Variants in SEH1L observed in about 807,000 individuals in gnomAD.
The protein encoded by SEH1L is nucleoporin SEH1.
SEH1L carries 18 observed loss-of-function variants against 49.5 expected under a neutral mutation model. That is an observed-to-expected ratio of 0.36 (90% CI 0.25 to 0.54). The LOEUF (loss-of-function observed/expected upper bound fraction) is 0.54. Among genes scored for constraint, SEH1L ranks in the 20% least tolerant of loss-of-function variants. SEH1L has a pLI of 0.87. For missense variants in SEH1L, 404 were observed against 528.8 expected (o/e 0.76, Z 2.31); for synonymous variants, 169 against 178.1 (o/e 0.95, Z 0.41).
At chr18:12,975,705 G>GAGTC in intron 5 of SEH1L, 1 of 985,842 alleles carries the variant, frequency 1.0e-6, no homozygotes, top group Non-Finnish European at 1.2e-6. Context: ...GGGTCCAGTA[G>GAGTC]AGTCACAAGG....
At chr18:12,981,329 G>T (rs557854039) in intron 6 of SEH1L, among the ~76,000 whole-genome samples, 124 of 152,310 alleles carry the variant, frequency 8.1e-4, no homozygotes, top group African/African-American at 2.9e-3. Flanking sequence ...TGCAATCTCG[G>T]CACTTTGGGG....
intron 6 of SEH1L, among the ~76,000 whole-genome samples, chr18:12,981,850 A>ATTTTTTTTTTTTTTTTTTTTTTTT (rs554886753): frequency 1.1e-5 from 1 of 88,192 alleles, no homozygotes; most frequent in African/African-American, 5.7e-5. Flanking sequence ...TGCCCTGCCC[A>ATTTTTTTTTTTTTTTTTTTTTTTT]TTTTTTTTTT....
chr18:12,964,729 G>T (rs2031359802), intron 4 of SEH1L, among the ~76,000 whole-genome samples: 2 of 147,804 alleles, frequency 1.4e-5, no homozygotes, highest in Non-Finnish European at 3.0e-5. Flanking sequence ...TCCGCCTCCT[G>T]GGTTCAAACG....
intron 6 of SEH1L, among the ~76,000 whole-genome samples, 195 bp downstream of exon 6, chr18:12,979,087 T>TC (rs1555692836): frequency 6.6e-6 from 1 of 151,856 alleles, no homozygotes; most frequent in Non-Finnish European, 1.5e-5. Flanking sequence ...TTTTTTTTTT[T>TC]ATTGATCATT....
chr18:12,955,541 C>T lies in SEH1L; in HGVS notation c.241C>T (p.Arg81Ter). ...GQVLASCSFD[R>*]TAAVWEEIVG... ...GGTTTTGGCTTCCTGTTCTTTTGAC[C>T]GAACAGCTGCTGTATGGGAAGAAAT... Residue 81 changes from arginine (R) to a stop codon, truncating the protein, a stop_gained, in exon 3 of 9, where the codon CGA (arginine) becomes TGA (stop). Transcript: ENST00000399892. LOFTEE classifies it high-confidence loss of function. 6.2e-7 allele frequency: 1 copy of T among 1,613,664 alleles called. No individual in the cohort carries two copies. Among genetic ancestry groups the T allele is most frequent in the Non-Finnish European group, 8.5e-7 (1 of 1,179,922 alleles).
rs1369758167 is a variant in SEH1L at position 12,948,035 on chromosome 18, T to C, written c.-87T>C. 1 of 946,300 alleles carries C rather than the reference T, an allele frequency of 1.1e-6. No individual in the cohort carries two copies. Among genetic ancestry groups the C allele is most frequent in the African/African-American group, 1.7e-5 (1 of 59,820 alleles). 58.6% of individuals were successfully genotyped at this position (946,300 alleles called of 1,614,324 possible). ...CAGCACAAGCCGTGCGCTCCCGGGC[T>C]GCGAGGTCTGGCTAGGCTACGGGCC... On this transcript the variant is annotated 5_prime_UTR_variant, in exon 1 of 9. Transcript: ENST00000399892.
intron 3 of SEH1L, among the ~76,000 whole-genome samples, chr18:12,958,266 A>C (rs1393068702): frequency 6.7e-6 from 1 of 148,942 alleles, no homozygotes; most frequent in Non-Finnish European, 1.5e-5. Context: ...TTGTGTTTTT[A>C]GAAGAGACAG....
In SEH1L at chr18:12,986,015, T is replaced by A. The variant is rs1218781124; in HGVS notation, c.1071-847T>A. On this transcript the variant is annotated intron_variant, in intron 8 of 8. Coordinates refer to ENST00000399892, the MANE Select transcript of SEH1L (RefSeq NM_001013437.2). ...TATACATTTGTGTATTTTTATGGTG[T>A]TATTTATTCCATGGCTTAGCTTCCT... 4.3e-6 allele frequency: 4 copies of A among 925,670 alleles called. No individual in the cohort carries two copies. In the East Asian group the frequency reaches 3.5e-4, roughly 80 times the overall value. 57.3% of individuals were successfully genotyped at this position (925,670 alleles called of 1,614,324 possible). A position where few individuals can be genotyped will look rare whatever the true frequency, so the allele number is the denominator to read the frequency against.
chr18:12,952,963 G>A (rs1266796682), intron 2 of SEH1L, among the ~76,000 whole-genome samples: 1 of 151,898 alleles, frequency 6.6e-6, no homozygotes, highest in South Asian at 2.1e-4. Flanking sequence ...TGTAGTTTTG[G>A]TAGAGACAGG....
intron 1 of SEH1L, among the ~76,000 whole-genome samples, chr18:12,950,125 C>A (rs2030429461): frequency 6.6e-6 from 1 of 151,896 alleles, no homozygotes; most frequent in African/African-American, 2.4e-5. Flanking sequence ...CCTCAACATC[C>A]CAGGTTCAAG....
rs145087231 is a variant in SEH1L, at chr18:12,949,194, G to T, written c.111+962G>T. Among the ~76,000 whole-genome samples, 82 of 151,664 alleles carry T rather than the reference G, an allele frequency of 5.4e-4. 3 individuals carry two copies. The East Asian group carries it at 0.016, about 29-fold the overall frequency. On this transcript the variant is annotated intron_variant, in intron 1 of 8. Transcript: ENST00000399892. ...CAAGCAGAATTTCTAATGTGGGGAT[G>T]CTACATGAGATTTAGGAACCTCCCA...
chr18:12,957,373 A>AG (rs1040355273), intron 3 of SEH1L, among the ~76,000 whole-genome samples: 156 of 152,146 alleles, frequency 1.0e-3, no homozygotes, highest in African/African-American at 3.5e-3. Flanking sequence ...GGTTGTGATG[A>AG]GCAGAGATCG....
intron 6 of SEH1L, among the ~76,000 whole-genome samples, chr18:12,980,005 C>T (rs2032118380): frequency 7.2e-6 from 1 of 138,228 alleles, no homozygotes; most frequent in Non-Finnish European, 1.6e-5. Flanking sequence ...GCGGGGCTGA[C>T]CCCCCCACCT....
chr18:12,976,385 C>T (rs2031919730), intron 5 of SEH1L: 1 of 152,408 alleles, frequency 6.6e-6, no homozygotes, highest in Non-Finnish European at 1.5e-5. Context: ...CCCACTCACA[C>T]TCATGGGGAG....
chr18:12,958,943 A>G (rs1353140524), intron 3 of SEH1L, among the ~76,000 whole-genome samples: 4 of 152,186 alleles, frequency 2.6e-5, no homozygotes, highest in Non-Finnish European at 5.9e-5. Flanking sequence ...CATAGCAGCT[A>G]CACCATTTTA....
At chr18:12,971,556 C>T in intron 5 of SEH1L, 1 of 178,146 alleles carries the variant, frequency 5.6e-6, no homozygotes, top group Non-Finnish European at 1.2e-5. Flanking sequence ...ATCGCTTGAA[C>T]CCAGGAGGCG....
chr18:12,957,022 C>G (rs1054473260), intron 3 of SEH1L, among the ~76,000 whole-genome samples: 1 of 150,560 alleles, frequency 6.6e-6, no homozygotes, highest in Non-Finnish European at 1.5e-5. Flanking sequence ...GAGCCGAGAT[C>G]ACGCCACTGC....
intron 4 of SEH1L, among the ~76,000 whole-genome samples, chr18:12,970,714 C>A (rs1027265474): frequency 6.6e-6 from 1 of 152,178 alleles, no homozygotes; most frequent in Admixed American, 6.5e-5. Flanking sequence ...CATGAGCCAC[C>A]CTGCCGCAGT....
At chr18:12,979,000 C>T in intron 6 of SEH1L, 108 bp downstream of exon 6, 1 of 1,048,512 alleles carries the variant, frequency 9.5e-7, no homozygotes. Context: ...TATTTCTGCT[C>T]TGGAAGTTTT....
Sources: allele counts gnomAD v4.1 joint callset (sites outside exome capture counted in the v4.1 genomes callset), GRCh38; gene constraint gnomAD v4.1.1; transcripts MANE v1.5; gene names NCBI Gene and HGNC (gene_info 2026-07-23, HGNC 2026-07-21).